The following PYGL variants were observed in gnomAD, a reference collection of about 807,000 sequenced individuals.
The protein encoded by PYGL is glycogen phosphorylase L, also known as glycogen phosphorylase, liver form.
PYGL carries 90 observed loss-of-function variants against 100.1 expected under a neutral mutation model. The ratio of observed to expected loss-of-function variants is 0.90; its 90% CI spans 0.76 to 1.07. The LOEUF is 1.07. Among genes scored for constraint, PYGL ranks in the 50% least tolerant of loss-of-function variants. PYGL has a pLI of 0.00. For missense variants in PYGL, 1,016 were observed against 1,057.6 expected, an observed-to-expected ratio of 0.96 and a Z score of 0.55; for synonymous variants, 373 against 393.0, an observed-to-expected ratio of 0.95 and a Z score of 0.60.
In PYGL at chr14:50,912,267, C is replaced by T. The variant is rs865910986; in HGVS notation, c.1657G>A (p.Glu553Lys). The stretch of plus-strand genomic sequence containing the variant: ...GATGGGTTGATCTTCACTTTGTACT[C>T]CGTCTCCAGGAACTGAGAAAACTTC... ...KLKFSQFLET[E>K]YKVKINPSSM... is the part of the protein sequence containing the mutation. Residue 553 changes from glutamate (E) to lysine (K), a missense_variant, in exon 14 of 20, where the codon GAG becomes AAG. Transcript: ENST00000216392. 1 of 1,614,122 alleles carries T rather than the reference C, an allele frequency of 6.2e-7. No individual in the cohort carries two copies. The highest frequency in any genetic ancestry group is 2.2e-5 in the East Asian group (1 of 44,878).
chr14:50,905,660 A>G, intron 19 of PYGL, 104 bp from the exon 20 acceptor site: 1 of 1,131,734 alleles, frequency 8.8e-7, no homozygotes, highest in African/African-American at 1.5e-5. Flanking sequence ...AGGGAAAATG[A>G]CAGGAATAAA....
chr14:50,936,371 G>A (rs1169775381), intron 2 of PYGL, among the ~76,000 whole-genome samples: 1 of 152,178 alleles, frequency 6.6e-6, no homozygotes. Flanking sequence ...TGTATCTTAC[G>A]AGTTCAACCT....
rs1488701854 is a variant in PYGL, at chr14:50,917,099, C to CA, written c.861dup (p.Glu288Ter). On this transcript the variant is annotated frameshift_variant, in exon 8 of 20. Transcript: ENST00000216392. LOFTEE classifies it high-confidence loss of function. The stretch of plus-strand genomic sequence containing the variant: ...TGCTTCAATCTTAGCTCCTTCCCTT[C>CA]AAAAAACTTCAAGCCAGAGAGATAG... 109 of 1,613,700 alleles carry CA rather than the reference C, an allele frequency of 6.8e-5. No individual in the cohort carries two copies. The highest frequency in any genetic ancestry group is 9.0e-5 in the Non-Finnish European group (106 of 1,179,746).
rs886373621 is a variant in PYGL, at chr14:50,921,363, G to T, written c.661-296C>A. 1.7e-5 allele frequency: 6 copies of T among 352,034 alleles called. No individual in the cohort carries two copies. The East Asian group carries it at 2.7e-4, about 16-fold the overall frequency. 21.8% of individuals were successfully genotyped at this position (352,034 alleles called of 1,614,324 possible). ...TGCCCTGATATAAATGCAGTGGAATGGAATGATATGGTATTTGTATTCAAA... is the reference window on the plus strand; with the variant it reads ...TGCCCTGATATAAATGCAGTGGAATTGAATGATATGGTATTTGTATTCAAA... On this transcript the variant is annotated intron_variant, in intron 5 of 19. Transcript: ENST00000216392.
chr14:50,915,190 T>A (rs893081763), intron 11 of PYGL, 146 bp downstream of exon 11: 171 of 1,009,778 alleles, frequency 1.7e-4, no homozygotes, highest in Non-Finnish European at 2.1e-4. Context: ...TTTTTTTTTT[T>A]AGGCAAGAGT....
At chr14:50,924,248 A>G (rs548760492) in intron 4 of PYGL, 148 bp from the exon 5 acceptor site, 2 of 832,008 alleles carry the variant, frequency 2.4e-6, no homozygotes, top group East Asian at 5.5e-5. Context: ...TACAGCCTAC[A>G]TCAACAATAA....
chr14:50,942,148 C>G (rs141630660), intron 1 of PYGL, among the ~76,000 whole-genome samples: 2 of 152,306 alleles, frequency 1.3e-5, no homozygotes, highest in East Asian at 3.9e-4. Context: ...CCTGTTTAGA[C>G]AGACGACTGT....
intron 16 of PYGL, among the ~76,000 whole-genome samples, chr14:50,910,491 T>C (rs1027094012): frequency 1.3e-5 from 2 of 152,168 alleles, no homozygotes; most frequent in Non-Finnish European, 2.9e-5. Context: ...GGTCTCTCTC[T>C]GTCACCCAGG....
chr14:50,916,655 A>G lies in PYGL; in HGVS notation c.1079T>C (p.Leu360Pro). 1.2e-6 allele frequency: 2 copies of G among 1,613,174 alleles called. No homozygotes were observed. The highest frequency in any genetic ancestry group is 1.1e-5 in the South Asian group (1 of 91,062). Residue 360 changes from leucine (L) to proline (P), a missense_variant, in exon 9 of 20, where the codon CTG becomes CCG. Coordinates refer to ENST00000216392, the MANE Select transcript of PYGL (RefSeq NM_002863.5). ...LMRIFVDIEK[L>P]PWSKAWELTQ... is the part of the protein sequence containing the mutation. The stretch of plus-strand genomic sequence containing the variant: ...AACTATCCAGACCTTGGACCAGGGC[A>G]GTTTTTCAATATCCACAAAAATCCT...
chr14:50,911,159 C>T (rs2277456), intron 16 of PYGL, among the ~76,000 whole-genome samples: 31,183 of 152,148 alleles, frequency 0.2, 4,354 homozygotes, highest in African/African-American at 0.41. Context: ...ACCCAAATAA[C>T]CAAAGGTCCC....
At chr14:50,921,241 C>A (rs2050498311) in intron 5 of PYGL, 174 bp from the exon 6 acceptor site, 1 of 606,484 alleles carries the variant, frequency 1.6e-6, no homozygotes, top group East Asian at 2.8e-5. Flanking sequence ...ATTAGAGGAA[C>A]ATGTGGTTCC....
chr14:50,927,413 CG>C (rs1566509174), intron 4 of PYGL, among the ~76,000 whole-genome samples: 1 of 152,036 alleles, frequency 6.6e-6, no homozygotes, highest in South Asian at 2.1e-4. Context: ...TTAGTAGAGA[CG>C]GGGTTTCACC....
chr14:50,913,656 G>T (rs2050420407), intron 12 of PYGL, among the ~76,000 whole-genome samples: 1 of 152,052 alleles, frequency 6.6e-6, no homozygotes, highest in South Asian at 2.1e-4. Flanking sequence ...TTACACGTGT[G>T]AGCCACTGCA....
At chr14:50,924,979 A>G (rs1295164512) in intron 4 of PYGL, among the ~76,000 whole-genome samples, 2 of 152,244 alleles carry the variant, frequency 1.3e-5, no homozygotes, top group African/African-American at 2.4e-5. Context: ...TTAAAATATG[A>G]CACATACAGT....
rs147839939 is a variant in PYGL, at chr14:50,911,832, G to A, written c.1867C>T (p.Leu623=). 6.2e-7 allele frequency: 1 copy of A among 1,613,610 alleles called. No homozygotes were observed. The highest frequency in any genetic ancestry group is 2.2e-5 in the East Asian group (1 of 44,856). The change falls in exon 16 of 20, where the codon CTG becomes TTG. Residue 623 remains leucine, a synonymous_variant. Coordinates refer to ENST00000216392, the MANE Select transcript of PYGL (RefSeq NM_002863.5). The stretch of plus-strand genomic sequence containing the variant: ...ACCACATCTGCCACTGAAGTGATCA[G>A]CTTTATGATCATTTTGGCCATGTGA... The part of the protein sequence containing the change: ...GYHMAKMIIK[L]ITSVADVVNN...
chr14:50,912,529 G>A, intron 13 of PYGL: 1 of 565,412 alleles, frequency 1.8e-6, no homozygotes, highest in Admixed American at 3.0e-5. Flanking sequence ...TTTTAGTAGA[G>A]ACGGGGTTTC....
chr14:50,922,727 T>C (rs2050513244), intron 5 of PYGL, among the ~76,000 whole-genome samples: 1 of 152,210 alleles, frequency 6.6e-6, no homozygotes, highest in Non-Finnish European at 1.5e-5. Flanking sequence ...GGCCACTTGC[T>C]CAGAGTGGCA....
Position 50,944,304 on chromosome 14 carries a change from G to C in PYGL, c.100C>G (p.Arg34Gly). Residue 34 changes from arginine to glycine, a missense_variant, in exon 1 of 20, where the codon CGG becomes GGG. By Grantham distance (125) the Arg-to-Gly change is moderately radical (BLOSUM62 -2). Transcript: ENST00000216392. ...NVAELKKSFN[R>G]HLHFTLVKDR... is the part of the protein sequence containing the mutation. ...TTGACCAGCGTGAAGTGCAGGTGCC[G>C]GTTGAAACTCTTCTTCAGCTCTGCC... The C allele has an allele frequency of 6.2e-7, 1 of 1,613,984 alleles. No individual in the cohort carries two copies. The highest frequency in any genetic ancestry group is 8.5e-7 in the Non-Finnish European group (1 of 1,179,882).
chr14:50,944,092 C>A, intron 1 of PYGL, 69 bp downstream of exon 1: 3 of 1,523,162 alleles, frequency 2.0e-6, no homozygotes, highest in Non-Finnish European at 2.6e-6. Flanking sequence ...TCCACCTCGT[C>A]CCGCCCGGCC....
Sources: gnomAD v4.1 joint callset for allele counts (sites outside exome capture counted in the v4.1 genomes callset) on GRCh38, gnomAD v4.1.1 for gene constraint, MANE v1.5 for transcripts, NCBI Gene and HGNC (gene_info 2026-07-23, HGNC 2026-07-21) for gene names.